The following MAN1A1 variants were observed in gnomAD, a reference collection of about 807,000 sequenced individuals.
MAN1A1 encodes the protein mannosidase alpha class 1A member 1.
Under a neutral mutation model 70.8 loss-of-function variants are expected in MAN1A1, and 29 were observed. That is an observed-to-expected ratio of 0.41 (90% CI 0.31 to 0.56). The LOEUF is 0.56. MAN1A1 is among the 20% of genes least tolerant of loss of function. The pLI is 0.29. For missense variants in MAN1A1, 747 were observed against 841.3 expected (o/e 0.89, Z 1.39); for synonymous variants, 349 against 330.1 (o/e 1.06, Z -0.62).
chr6:119,250,680 G>A (rs1036003743), intron 5 of MAN1A1, among the ~76,000 whole-genome samples: 6 of 151,434 alleles, frequency 4.0e-5, no homozygotes, highest in African/African-American at 1.5e-4. Flanking sequence ...GTGTGTGCGT[G>A]TCAGTTACTC....
chr6:119,244,163 A>G (rs933267693), intron 6 of MAN1A1, among the ~76,000 whole-genome samples: 9 of 152,106 alleles, frequency 5.9e-5, no homozygotes, highest in Non-Finnish European at 1.2e-4. Flanking sequence ...TTGCAAATAC[A>G]GAAATGGTGA....
intron 2 of MAN1A1, among the ~76,000 whole-genome samples, chr6:119,341,495 G>A (rs1018325165): frequency 2.0e-5 from 3 of 152,144 alleles, no homozygotes; most frequent in Non-Finnish European, 1.5e-5. Context: ...TACACTGGGG[G>A]AATCTCAGGA....
At chr6:119,347,343 T>C (rs1773757474) in intron 2 of MAN1A1, among the ~76,000 whole-genome samples, 1 of 152,236 alleles carries the variant, frequency 6.6e-6, no homozygotes, top group Non-Finnish European at 1.5e-5. Flanking sequence ...CCTCTCCTGA[T>C]TACCTACCCA....
intron 7 of MAN1A1, among the ~76,000 whole-genome samples, chr6:119,202,829 G>T: frequency 6.6e-6 from 1 of 152,170 alleles, no homozygotes; most frequent in African/African-American, 2.4e-5. Flanking sequence ...AAAAATAAAA[G>T]GGTGCTATGG....
intron 4 of MAN1A1, among the ~76,000 whole-genome samples, chr6:119,300,868 T>A (rs866860256): frequency 5.3e-5 from 8 of 152,242 alleles, no homozygotes; most frequent in Non-Finnish European, 1.0e-4. Flanking sequence ...AAATGCGGTA[T>A]ATATAGCAAT....
intron 4 of MAN1A1, among the ~76,000 whole-genome samples, chr6:119,292,472 A>G (rs1285726201): frequency 6.6e-6 from 1 of 152,042 alleles, no homozygotes; most frequent in African/African-American, 2.4e-5. Flanking sequence ...GGAAATGGCA[A>G]TAAGGACTGA....
At chr6:119,297,621 A>G (rs1212437322) in intron 4 of MAN1A1, among the ~76,000 whole-genome samples, 1 of 152,120 alleles carries the variant, frequency 6.6e-6, no homozygotes, top group Non-Finnish European at 1.5e-5. Context: ...AAATATAGGG[A>G]AAAATACCAG....
In MAN1A1 at chr6:119,195,222, C is replaced by T. The variant is rs1416597596; in HGVS notation, c.1211-1330G>A. Among the ~76,000 whole-genome samples the T allele has an allele frequency of 3.9e-5, 6 of 152,138 alleles. No homozygotes were observed. The East Asian group carries it at 7.7e-4, about 20-fold the overall frequency. On this transcript the variant is annotated intron_variant, in intron 8 of 12. Transcript: ENST00000368468. ...TACATGAATGAGATCACCCTTTACT[C>T]GAAGCCTTTCAATCCTGTGTGTTTG... is the stretch of plus-strand genomic sequence containing the variant.
Position 119,348,972 on chromosome 6 carries a change from C to A in MAN1A1, c.94G>T (p.Gly32Cys). ...TCCGTCAGGCGGAGGGCGGCGGGGC[C>A]CGACCCCTTCCTGCCACCGCCGCCG... ...LGGGGGRKGS[G>C]PAALRLTEKF... Residue 32 changes from glycine (G) to cysteine (C), a missense_variant, in exon 2 of 13, where the codon GGC becomes TGC. Gly to Cys is a radical substitution (Grantham distance 159). Transcript: ENST00000368468. 6.7e-7 allele frequency: 1 copy of A among 1,497,036 alleles called. No homozygotes were observed. The highest frequency in any genetic ancestry group is 1.3e-5 in the South Asian group (1 of 76,416). 92.7% of individuals were successfully genotyped at this position (1,497,036 alleles called of 1,614,324 possible). A position where few individuals can be genotyped will look rare whatever the true frequency, so the allele number is the denominator to read the frequency against.
chr6:119,290,085 C>T (rs1466542115), intron 5 of MAN1A1, among the ~76,000 whole-genome samples: 3 of 151,832 alleles, frequency 2.0e-5, no homozygotes, highest in Admixed American at 1.3e-4. Flanking sequence ...TACAAAAATC[C>T]TTTCTTAATC....
chr6:119,275,393 G>A (rs1776031980), intron 5 of MAN1A1, among the ~76,000 whole-genome samples: 1 of 127,506 alleles, frequency 7.8e-6, no homozygotes, highest in South Asian at 2.6e-4. Context: ...TGCAAGCTCC[G>A]CCTCCCGGGT....
At chr6:119,345,398 T>C (rs1350687281) in intron 2 of MAN1A1, among the ~76,000 whole-genome samples, 1 of 152,224 alleles carries the variant, frequency 6.6e-6, no homozygotes, top group East Asian at 1.9e-4. Flanking sequence ...GTATGTATCA[T>C]AAATCTCAGA....
upstream of MAN1A1, among the ~76,000 whole-genome samples, chr6:119,350,343 A>T (rs1440005598): frequency 6.6e-6 from 1 of 152,160 alleles, no homozygotes; most frequent in Non-Finnish European, 1.5e-5. Context: ...TCCCTCGGTT[A>T]GGGGAGCCGT....
Position 119,348,935 on chromosome 6 carries a change from A to C in MAN1A1, c.131T>G (p.Leu44Arg). 1 of 1,533,874 alleles carries C rather than the reference A, an allele frequency of 6.5e-7. No individual in the cohort carries two copies. Among genetic ancestry groups the C allele is most frequent in the South Asian group, 1.2e-5 (1 of 82,504 alleles). The change falls in exon 2 of 13, where the codon CTG (leucine) becomes CGG (arginine). Residue 44 changes from leucine (L) to arginine (R), a missense_variant. Leu to Arg is a moderately radical substitution (Grantham distance 102). Coordinates refer to ENST00000368468, the MANE Select transcript of MAN1A1 (RefSeq NM_005907.4). The part of the protein sequence containing the change: ...AALRLTEKFV[L>R]LLVFSAFITL... Reference sequence around the variant, plus strand: ...GATGAAGGCGCTGAATACCAGCAGCAGCACGAACTTCTCCGTCAGGCGGAG... The same window carrying C: ...GATGAAGGCGCTGAATACCAGCAGCCGCACGAACTTCTCCGTCAGGCGGAG...
At chr6:119,288,918 C>A (rs1213580741) in intron 5 of MAN1A1, among the ~76,000 whole-genome samples, 5 of 151,610 alleles carry the variant, frequency 3.3e-5, no homozygotes, top group Admixed American at 3.3e-4. Flanking sequence ...GCAAAACAGA[C>A]TGAAAGAATA....
At chr6:119,321,111 C>T (rs1230588710) in intron 2 of MAN1A1, among the ~76,000 whole-genome samples, 1 of 152,132 alleles carries the variant, frequency 6.6e-6, no homozygotes, top group East Asian at 1.9e-4. Flanking sequence ...AATATGTATA[C>T]GTGAAAGAAT....
At chr6:119,197,217 G>A (rs1362028701) in intron 8 of MAN1A1, among the ~76,000 whole-genome samples, 3 of 151,832 alleles carry the variant, frequency 2.0e-5, no homozygotes, top group African/African-American at 7.3e-5. Flanking sequence ...GCTGATGCAG[G>A]AGAATCGCTT....
At chr6:119,204,726 C>T (rs369221702) in intron 7 of MAN1A1, 33 bp downstream of exon 7, 11 of 1,611,766 alleles carry the variant, frequency 6.8e-6, no homozygotes, top group Non-Finnish European at 9.3e-6. Context: ...ATAAGTGTTG[C>T]TTTGCAGGCC....
intron 2 of MAN1A1, among the ~76,000 whole-genome samples, chr6:119,314,826 C>A (rs1772807881): frequency 6.6e-6 from 1 of 152,152 alleles, no homozygotes; most frequent in Non-Finnish European, 1.5e-5. Flanking sequence ...TTCTCACAGC[C>A]TTCCTCCTCC....
Sources: gnomAD v4.1 joint callset for allele counts (sites outside exome capture counted in the v4.1 genomes callset) on GRCh38, gnomAD v4.1.1 for gene constraint, MANE v1.5 for transcripts, NCBI Gene and HGNC (gene_info 2026-07-23, HGNC 2026-07-21) for gene names.